The following GRIK4 variants were observed in gnomAD, a reference collection of about 807,000 sequenced individuals.
GRIK4 encodes glutamate ionotropic receptor kainate type subunit 4, also known as glutamate receptor ionotropic, kainate 4.
A neutral mutation model predicts 104.9 loss-of-function variants in GRIK4; 40 were observed. That is an observed-to-expected ratio of 0.38 (90% CI 0.30 to 0.50). The LOEUF (loss-of-function observed/expected upper bound fraction) is 0.50, where lower values mean the gene tolerates loss of function less well. Among genes scored for constraint, GRIK4 ranks in the 20% least tolerant of loss-of-function variants. GRIK4 has a pLI of 0.93. For missense variants in GRIK4, 1,047 were observed against 1,308.1 expected (o/e 0.80, Z 3.08); for synonymous variants, 485 against 524.9 (o/e 0.92, Z 1.04).
At chr11:120,516,800 C>A (rs77134802) in intron 1 of GRIK4, among the ~76,000 whole-genome samples, 1 of 151,894 alleles carries the variant, frequency 6.6e-6, no homozygotes, top group African/African-American at 2.4e-5. Flanking sequence ...ATGGGCGATG[C>A]GAGGGGAGTA....
chr11:120,689,307 T>G (rs1293051011), intron 3 of GRIK4, among the ~76,000 whole-genome samples: 1 of 152,146 alleles, frequency 6.6e-6, no homozygotes, highest in African/African-American at 2.4e-5. Flanking sequence ...CCTCACTTCT[T>G]GAGCCTATTC....
chr11:120,591,451 C>T (rs1948731663), intron 1 of GRIK4, among the ~76,000 whole-genome samples: 1 of 152,110 alleles, frequency 6.6e-6, no homozygotes, highest in Admixed American at 6.5e-5. Flanking sequence ...CCAACTCCAT[C>T]CCATGTTCAC....
intron 1 of GRIK4, among the ~76,000 whole-genome samples, chr11:120,648,179 CA>C (rs1312655366): frequency 1.3e-5 from 2 of 152,186 alleles, no homozygotes; most frequent in African/African-American, 4.8e-5. Context: ...GCTGAGCCTT[CA>C]GCCTCTGGAC....
At chr11:120,662,331 A>G (rs1949831094) in intron 3 of GRIK4, among the ~76,000 whole-genome samples, 3 of 152,198 alleles carry the variant, frequency 2.0e-5, no homozygotes, top group African/African-American at 7.2e-5. Context: ...CTGGCTGGCA[A>G]GGTCAAACCG....
intron 13 of GRIK4, among the ~76,000 whole-genome samples, chr11:120,932,015 A>G (rs1943492094): frequency 6.6e-6 from 1 of 151,848 alleles, no homozygotes; most frequent in Non-Finnish European, 1.5e-5. Context: ...AGGCCTTCTC[A>G]CTGGTCCCTC....
chr11:120,784,108 A>T (rs1435619331), intron 3 of GRIK4, among the ~76,000 whole-genome samples: 1 of 152,120 alleles, frequency 6.6e-6, no homozygotes, highest in African/African-American at 2.4e-5. Flanking sequence ...CTTCCCTTTC[A>T]CCTTTGGAAA....
chr11:120,532,088 C>T (rs532341688), intron 1 of GRIK4, among the ~76,000 whole-genome samples: 48 of 152,316 alleles, frequency 3.2e-4, no homozygotes, highest in East Asian at 9.7e-4. Context: ...CGATTGAACA[C>T]GGAGCAAGAC....
chr11:120,838,879 C>A (rs1171658145), intron 8 of GRIK4, among the ~76,000 whole-genome samples: 1 of 152,110 alleles, frequency 6.6e-6, no homozygotes, highest in Non-Finnish European at 1.5e-5. Flanking sequence ...CTCTGCCTCC[C>A]AGGTTCAAGC....
chr11:120,702,017 G>A (rs1950560813), intron 3 of GRIK4, among the ~76,000 whole-genome samples: 2 of 143,798 alleles, frequency 1.4e-5, no homozygotes, highest in Admixed American at 7.3e-5. Flanking sequence ...GTGCAGTGGT[G>A]CGATACCGGC....
chr11:120,546,871 C>G (rs1948090134), intron 1 of GRIK4, among the ~76,000 whole-genome samples: 1 of 152,186 alleles, frequency 6.6e-6, no homozygotes, highest in South Asian at 2.1e-4. Flanking sequence ...GATGATGATT[C>G]ATAATTTTGC....
At chr11:120,829,190 T>C (rs4936555) in intron 6 of GRIK4, among the ~76,000 whole-genome samples, 102,118 of 151,960 alleles carry the variant, frequency 0.67, 35,016 homozygotes, top group African/African-American at 0.8. Context: ...CACAGCCTGC[T>C]CAGGAGATAG....
chr11:120,606,893 T>C (rs1471199338), intron 1 of GRIK4, among the ~76,000 whole-genome samples: 1 of 152,108 alleles, frequency 6.6e-6, no homozygotes, highest in African/African-American at 2.4e-5. Context: ...ATCTGCATGT[T>C]TTGAGGCTGG....
chr11:120,706,470 T>C (rs1950630836), intron 3 of GRIK4, among the ~76,000 whole-genome samples: 1 of 152,076 alleles, frequency 6.6e-6, no homozygotes, highest in African/African-American at 2.4e-5. Flanking sequence ...GCCCTGTGTC[T>C]CTCCCCTCCT....
intron 13 of GRIK4, among the ~76,000 whole-genome samples, chr11:120,928,960 C>CGTGT (rs61452053): frequency 1.9e-4 from 29 of 150,362 alleles, no homozygotes; most frequent in African/African-American, 5.2e-4. Flanking sequence ...TTAGCAAAGA[C>CGTGT]GTGTGTGTGT....
chr11:120,603,638 G>T (rs1019874799), intron 1 of GRIK4, among the ~76,000 whole-genome samples: 4 of 152,128 alleles, frequency 2.6e-5, no homozygotes, highest in Admixed American at 2.6e-4. Flanking sequence ...TGAAAATAAA[G>T]AAACACATGC....
chr11:120,669,274 A>T (rs973275466), intron 3 of GRIK4, among the ~76,000 whole-genome samples: 3 of 152,180 alleles, frequency 2.0e-5, no homozygotes, highest in Admixed American at 6.5e-5. Flanking sequence ...GGCTAAGAGC[A>T]TCCTGAGGAG....
intron 11 of GRIK4, among the ~76,000 whole-genome samples, chr11:120,879,582 A>C (rs745504011): frequency 2.6e-5 from 4 of 152,176 alleles, no homozygotes; most frequent in Non-Finnish European, 4.4e-5. Flanking sequence ...GACTATTTTG[A>C]TTCTGTTCGG....
At position 120,862,190 on chromosome 11, in the gene GRIK4, C is replaced by T. The variant is rs754998300; in HGVS notation, c.906+70C>T. The stretch of plus-strand genomic sequence containing the variant: ...ACATTGCCCCTCTGTGGGCCAACCC[C>T]TGGGCAACACATCTTCTTGGAGTCC... On this transcript the variant is annotated intron_variant, in intron 9 of 20. Coordinates refer to ENST00000527524, the MANE Select transcript of GRIK4 (RefSeq NM_014619.5). 22 of 1,314,012 alleles carry T rather than the reference C, an allele frequency of 1.7e-5. No homozygotes were observed. In the African/African-American group the frequency reaches 3.1e-4, roughly 18 times the overall value. The allele number at this position is 1,314,012 out of a possible 1,614,324, so 81.4% of individuals were successfully genotyped here.
Position 120,884,971 on chromosome 11 carries a change from C to G in GRIK4, c.1164+9728C>G, listed in dbSNP as rs1360390228. The stretch of plus-strand genomic sequence containing the variant: ...GGCAAGTAACCGGCTTCCTTCCACC[C>G]GGGTGCTTCATTAAAACCGTGAGTT... On this transcript the variant is annotated intron_variant, in intron 11 of 20. Coordinates refer to ENST00000527524, the MANE Select transcript of GRIK4 (RefSeq NM_014619.5). Among the ~76,000 whole-genome samples the G allele has an allele frequency of 4.6e-5, 7 of 152,374 alleles. No homozygotes were observed. The South Asian group carries it at 8.3e-4, about 18-fold the overall frequency.
Sources: gnomAD v4.1 joint callset for allele counts (sites outside exome capture counted in the v4.1 genomes callset) on GRCh38, gnomAD v4.1.1 for gene constraint, MANE v1.5 for transcripts, NCBI Gene and HGNC (gene_info 2026-07-23, HGNC 2026-07-21) for gene names.